Variants in BANP observed in about 807,000 individuals in gnomAD.
BANP encodes the protein protein BANP.
In BANP, 11 loss-of-function variants were observed where a neutral mutation model predicts 68.1. That is an observed-to-expected ratio of 0.16 (90% CI 0.10 to 0.27). BANP has a LOEUF of 0.27. BANP is among the 10% of genes least tolerant of loss of function. The pLI, the probability that BANP is intolerant of heterozygous loss-of-function variation, is 1.00. For missense variants in BANP, 504 were observed against 722.7 expected, an observed-to-expected ratio of 0.70 and a Z score of 3.47; for synonymous variants, 329 against 303.2, an observed-to-expected ratio of 1.09 and a Z score of -0.88.
chr16:87,949,845 C>T (rs944748394), upstream of BANP: 1 of 151,618 alleles, frequency 6.6e-6, no homozygotes, highest in African/African-American at 2.4e-5. Context: ...GCAGGAAATT[C>T]AAGGTAAAGC....
At chr16:88,046,745 A>G (rs1051637528) in intron 11 of BANP, among the ~76,000 whole-genome samples, 5 of 151,572 alleles carry the variant, frequency 3.3e-5, no homozygotes, top group Non-Finnish European at 5.9e-5. Context: ...ACGGGGTTTC[A>G]CCGTGTTGTG....
chr16:87,960,697 C>T (rs765592962), intron 1 of BANP, among the ~76,000 whole-genome samples: 3 of 152,150 alleles, frequency 2.0e-5, no homozygotes, highest in Non-Finnish European at 4.4e-5. Context: ...GGCAAGTCCA[C>T]GGAAAGCACT....
rs1011938116 is a variant in BANP at position 88,036,574 on chromosome 16, G to T, written c.1272+1180G>T. ...TTTAATTTGGACACCAGCAGTTCCCGGTGGGTTATCCTGAGAGGGGAGCAC... is the reference window on the plus strand; with the variant it reads ...TTTAATTTGGACACCAGCAGTTCCCTGTGGGTTATCCTGAGAGGGGAGCAC... On this transcript the variant is annotated intron_variant, in intron 10 of 13. Coordinates refer to ENST00000682872, the MANE Select transcript of BANP (RefSeq NM_001386991.1). This position sits in a 1 kb window ranked among gnomAD's most constrained non-coding sequence, Gnocchi z 4.2. 3.3e-5 allele frequency among the ~76,000 whole-genome samples: 5 copies of T among 152,142 alleles called. No individual in the cohort carries two copies. The highest frequency in any genetic ancestry group is 3.2e-3 in the Middle Eastern group (1 of 316).
In BANP at chr16:88,033,189, G is replaced by A. The variant is rs143210504; in HGVS notation, c.1144G>A (p.Ala382Thr). 6.2e-7 allele frequency: 1 copy of A among 1,610,920 alleles called. No individual in the cohort carries two copies. The highest frequency in any genetic ancestry group is 8.5e-7 in the Non-Finnish European group (1 of 1,177,654). ...PQPQALHYAL[A>T]NAQQVQIHQI... is the part of the protein sequence containing the mutation. Reference sequence around the variant, plus strand: ...GCCGCAGGCCCTGCACTACGCGCTGGCCAACGCACAGCAGGTGCAGATCCA... The same window carrying A: ...GCCGCAGGCCCTGCACTACGCGCTGACCAACGCACAGCAGGTGCAGATCCA... The change falls in exon 9 of 14, where the codon GCC becomes ACC. Residue 382 changes from alanine (A) to threonine (T), a missense_variant. Ala to Thr is a moderately conservative substitution (Grantham distance 58). Transcript: ENST00000682872.
At chr16:87,969,249 TTGTTGTTG>T (rs1201960212) in intron 1 of BANP, among the ~76,000 whole-genome samples, 4 of 152,020 alleles carry the variant, frequency 2.6e-5, no homozygotes, top group African/African-American at 9.7e-5. Context: ...GTTGTTGTTG[TTGTTGTTG>T]TTTGTATGTA....
At chr16:87,991,398 A>G (rs2065872910) in intron 4 of BANP, among the ~76,000 whole-genome samples, 1 of 152,264 alleles carries the variant, frequency 6.6e-6, no homozygotes, top group Non-Finnish European at 1.5e-5. Context: ...GATTATGCAC[A>G]TTCTAATAAT....
intron 11 of BANP, among the ~76,000 whole-genome samples, chr16:88,053,692 G>A (rs111174283): frequency 1.6e-5 from 2 of 124,024 alleles, no homozygotes; most frequent in Admixed American, 7.9e-5. Flanking sequence ...CTCTACCACT[G>A]TCATCTCCAT....
chr16:88,072,310 TC>T (rs34278685), intron 13 of BANP, 98 bp downstream of exon 13: 475,985 of 1,399,732 alleles, frequency 0.34, 88,842 homozygotes, highest in Non-Finnish European at 0.39. Flanking sequence ...TCGTGACTCT[TC>T]CTGTGCAGAG....
chr16:88,043,429 G>C (rs1262606787), intron 11 of BANP, among the ~76,000 whole-genome samples: 1 of 152,200 alleles, frequency 6.6e-6, no homozygotes, highest in Non-Finnish European at 1.5e-5. Context: ...CTGCCTCACT[G>C]GGGGTGTGAG....
At chr16:87,981,396 G>A (rs1329749760) in intron 3 of BANP, among the ~76,000 whole-genome samples, 3 of 152,176 alleles carry the variant, frequency 2.0e-5, no homozygotes, top group Non-Finnish European at 2.9e-5. Context: ...TGTTGCGGCC[G>A]CCTCTGTGTG....
At chr16:88,015,092 C>T (rs2074192122) in intron 6 of BANP, among the ~76,000 whole-genome samples, 1 of 125,920 alleles carries the variant, frequency 7.9e-6, no homozygotes, top group African/African-American at 3.5e-5. Context: ...CTGCCTGTCC[C>T]CTCTGCCCGT....
chr16:88,072,336 C>A, intron 13 of BANP, 124 bp downstream of exon 13: 1 of 1,127,248 alleles, frequency 8.9e-7, no homozygotes, highest in South Asian at 1.6e-5. Flanking sequence ...CGTGATTGGA[C>A]ACAGATGCCC....
intron 11 of BANP, among the ~76,000 whole-genome samples, chr16:88,063,379 C>T (rs1284052436): frequency 6.6e-6 from 1 of 152,214 alleles, no homozygotes; most frequent in African/African-American, 2.4e-5. Flanking sequence ...TTCCACGTGG[C>T]CCGGCTCAGC....
intron 6 of BANP, among the ~76,000 whole-genome samples, chr16:88,010,555 C>A (rs1013188526): frequency 6.6e-6 from 1 of 152,196 alleles, no homozygotes; most frequent in Non-Finnish European, 1.5e-5. Context: ...ACCTCGTTGT[C>A]CCAGACCTCG....
chr16:87,974,721 C>G (rs1456825015), intron 1 of BANP, among the ~76,000 whole-genome samples: 1 of 152,080 alleles, frequency 6.6e-6, no homozygotes, highest in African/African-American at 2.4e-5. Flanking sequence ...TCAGGCCCCA[C>G]TGGAGACTTG....
In BANP at chr16:87,964,602, G is replaced by A. The variant is rs1185057158; in HGVS notation, c.-68-10446G>A. ...AGGGCCCGTGAGATGGGAAGCCCTCGGAGGGCTTAGAGCAGATGAGGGGCA... is the reference window on the plus strand; with the variant it reads ...AGGGCCCGTGAGATGGGAAGCCCTCAGAGGGCTTAGAGCAGATGAGGGGCA... On this transcript the variant is annotated intron_variant, in intron 1 of 13. Coordinates refer to ENST00000682872, the MANE Select transcript of BANP (RefSeq NM_001386991.1). Among the ~76,000 whole-genome samples, 6 of 84,208 alleles carry A rather than the reference G, an allele frequency of 7.1e-5. No homozygotes were observed. In the South Asian group the frequency reaches 1.2e-3, roughly 17 times the overall value. 55.2% of individuals were successfully genotyped at this position (84,208 alleles called of 152,430 possible). A position where few individuals can be genotyped will look rare whatever the true frequency, so the allele number is the denominator to read the frequency against.
At chr16:87,986,028 G>T (rs1436216252) in intron 4 of BANP, among the ~76,000 whole-genome samples, 1 of 152,178 alleles carries the variant, frequency 6.6e-6, no homozygotes, top group Non-Finnish European at 1.5e-5. Flanking sequence ...TGTGTGGAGA[G>T]TTTTTGTTGG....
chr16:88,014,374 A>T (rs1476162354), intron 6 of BANP, among the ~76,000 whole-genome samples: 4 of 150,862 alleles, frequency 2.7e-5, no homozygotes, highest in Non-Finnish European at 4.4e-5. Flanking sequence ...CCTGGGGAGG[A>T]CGGAGGTGGT....
intron 8 of BANP, 34 bp downstream of exon 8, chr16:88,027,684 C>A (rs1236210911): frequency 6.2e-7 from 1 of 1,610,284 alleles, no homozygotes. Flanking sequence ...GCCGCCCTCC[C>A]CCGCTCGGGG....
Sources: gnomAD v4.1 joint callset for allele counts (sites outside exome capture counted in the v4.1 genomes callset) on GRCh38, gnomAD v4.1.1 for gene constraint, Gnocchi (gnomAD v3.1) non-coding constraint, MANE v1.5 for transcripts, NCBI Gene and HGNC (gene_info 2026-07-23, HGNC 2026-07-21) for gene names.